DLG1: variants seen among roughly 807,000 people sequenced by gnomAD.
DLG1 encodes discs large MAGUK scaffold protein 1, also known as disks large homolog 1.
Under a neutral mutation model 123.4 loss-of-function variants are expected in DLG1, and 42 were observed. That is an observed-to-expected ratio of 0.34 (90% confidence interval 0.27 to 0.44). The LOEUF (loss-of-function observed/expected upper bound fraction) is 0.44, where lower values mean the gene tolerates loss of function less well. DLG1 is among the 20% of genes least tolerant of loss of function. The pLI, the probability that DLG1 is intolerant of heterozygous loss-of-function variation, is 1.00. For synonymous variants in DLG1, 317 were observed against 356.2 expected (o/e 0.89, Z 1.24); for missense variants, 942 against 1,082.6 (o/e 0.87, Z 1.82).
chr3:197,203,893 C>T (rs1029490182), intron 4 of DLG1, among the ~76,000 whole-genome samples: 1 of 152,138 alleles, frequency 6.6e-6, no homozygotes, highest in African/African-American at 2.4e-5. Context: ...GGTGGGGGCC[C>T]AAACAACACA....
intron 14 of DLG1, among the ~76,000 whole-genome samples, chr3:197,100,749 G>A (rs1172018276): frequency 6.6e-6 from 1 of 152,072 alleles, no homozygotes; most frequent in Non-Finnish European, 1.5e-5. Flanking sequence ...TTCAACAGAT[G>A]CAGGAAAAAA....
intron 4 of DLG1, among the ~76,000 whole-genome samples, chr3:197,213,910 G>T (rs1476134382): frequency 6.6e-6 from 1 of 152,116 alleles, no homozygotes; most frequent in African/African-American, 2.4e-5. Context: ...AGAAAATTCT[G>T]AATTAAAAGT....
chr3:197,068,344 A>C (rs1741177289), intron 19 of DLG1, among the ~76,000 whole-genome samples: 1 of 152,182 alleles, frequency 6.6e-6, no homozygotes, highest in African/African-American at 2.4e-5. Context: ...TCTGGTTATA[A>C]TTAATAAAAT....
At chr3:197,225,624 C>T (rs1389340138) in intron 4 of DLG1, among the ~76,000 whole-genome samples, 1 of 152,162 alleles carries the variant, frequency 6.6e-6, no homozygotes, top group African/African-American at 2.4e-5. Context: ...ATAATTAATC[C>T]TCATTAATGG....
At chr3:197,218,654 T>C (rs982819189) in intron 4 of DLG1, among the ~76,000 whole-genome samples, 5 of 152,234 alleles carry the variant, frequency 3.3e-5, no homozygotes, top group Non-Finnish European at 5.9e-5. Context: ...CCGTTCCCTA[T>C]TGATGGATAG....
At chr3:197,143,114 C>T (rs898166014) in intron 6 of DLG1, among the ~76,000 whole-genome samples, 1 of 151,990 alleles carries the variant, frequency 6.6e-6, no homozygotes, top group Non-Finnish European at 1.5e-5. Flanking sequence ...AAATCATCAC[C>T]TCTTCACTCT....
At chr3:197,252,907 T>C (rs1755142917) in intron 4 of DLG1, among the ~76,000 whole-genome samples, 2 of 152,120 alleles carry the variant, frequency 1.3e-5, no homozygotes, top group African/African-American at 2.4e-5. Context: ...ATGGTTACCA[T>C]AATAAATTGT....
At chr3:197,165,549 C>T (rs1290457955) in intron 5 of DLG1, among the ~76,000 whole-genome samples, 3 of 152,080 alleles carry the variant, frequency 2.0e-5, no homozygotes, top group Non-Finnish European at 2.9e-5. Flanking sequence ...AAGTATACTA[C>T]GAATAAAGCC....
chr3:197,051,797 C>A, intron 23 of DLG1, 129 bp from the exon 24 acceptor site: 11 of 498,496 alleles, frequency 2.2e-5, no homozygotes, highest in Non-Finnish European at 3.4e-5. Flanking sequence ...ATATGAATGT[C>A]ATTAAAAACT....
At chr3:197,085,262 GTACAGTAC>G (rs1753652681) in intron 16 of DLG1, 1 of 296,932 alleles carries the variant, frequency 3.4e-6, no homozygotes, top group Non-Finnish European at 6.5e-6. Flanking sequence ...CAAATTTCAA[GTACAGTAC>G]TATTACCTGT....
intron 4 of DLG1, among the ~76,000 whole-genome samples, chr3:197,255,393 G>C (rs919792206): frequency 4.6e-5 from 7 of 152,162 alleles, no homozygotes; most frequent in African/African-American, 1.7e-4. Context: ...AATGAAGCAG[G>C]GGACTAGGTG....
chr3:197,060,461 A>G (rs1381155750), intron 22 of DLG1, among the ~76,000 whole-genome samples: 1 of 152,120 alleles, frequency 6.6e-6, no homozygotes, highest in East Asian at 1.9e-4. Context: ...TTCTGCCAAG[A>G]AAAGTTATTC....
In DLG1 at chr3:197,069,250, A is replaced by G; in HGVS notation, c.2016T>C (p.Thr672=). The change falls in exon 19 of 25, where the codon ACT becomes ACC. Residue 672 remains threonine, a synonymous_variant. Coordinates refer to ENST00000667157, the MANE Select transcript of DLG1 (RefSeq NM_001366207.1). ...TACTTTCACTATCGCTGGCATTAGAAGTTACATGCTCTGAAATTGCAGGAC... is the reference window on the plus strand; with the variant it reads ...TACTTTCACTATCGCTGGCATTAGAGGTTACATGCTCTGAAATTGCAGGAC... The part of the protein sequence containing the change: ...QETSDADQHV[T]SNASDSESSY... 6.3e-7 allele frequency: 1 copy of G among 1,589,504 alleles called. No individual in the cohort carries two copies. The highest frequency in any genetic ancestry group is 8.6e-7 in the Non-Finnish European group (1 of 1,167,442).
chr3:197,045,418 C>T (rs1219193210), intron 24 of DLG1, among the ~76,000 whole-genome samples: 1 of 151,872 alleles, frequency 6.6e-6, no homozygotes, highest in African/African-American at 2.4e-5. Context: ...CAGCACTAAG[C>T]ATGAGTAACT....
intron 4 of DLG1, among the ~76,000 whole-genome samples, chr3:197,205,575 G>A (rs1042847467): frequency 1.3e-5 from 2 of 152,114 alleles, no homozygotes; most frequent in African/African-American, 4.8e-5. Context: ...CATCCATTAT[G>A]ATGAAAAACA....
chr3:197,138,872 G>C (rs889924195), intron 8 of DLG1, among the ~76,000 whole-genome samples: 5 of 152,076 alleles, frequency 3.3e-5, no homozygotes, highest in African/African-American at 9.7e-5. Context: ...AGGCCACCCA[G>C]ATAATAAGTG....
chr3:197,065,522 A>G (rs1738912833), intron 21 of DLG1, 74 bp from the exon 22 acceptor site: 1 of 1,324,650 alleles, frequency 7.5e-7, no homozygotes, highest in Non-Finnish European at 1.0e-6. Context: ...TTCTACTTAC[A>G]TCGTTTTGTA....
intron 4 of DLG1, among the ~76,000 whole-genome samples, chr3:197,254,291 A>C (rs73088464): frequency 0.028 from 4,228 of 152,340 alleles, 192 homozygotes; most frequent in African/African-American, 0.093. Flanking sequence ...CATACACCCT[A>C]AAGTCATGCT....
chr3:197,248,914 C>T (rs1753059529), intron 4 of DLG1, among the ~76,000 whole-genome samples: 1 of 151,998 alleles, frequency 6.6e-6, no homozygotes. Context: ...CACAGGAGTT[C>T]AAGACAAGAG....
Sources: allele counts gnomAD v4.1 joint callset (sites outside exome capture counted in the v4.1 genomes callset), GRCh38; gene constraint gnomAD v4.1.1; transcripts MANE v1.5; gene names NCBI Gene and HGNC (gene_info 2026-07-23, HGNC 2026-07-21).